The following BMAL1 variants were observed in gnomAD, a reference collection of about 807,000 sequenced individuals.
The protein encoded by BMAL1 is basic helix-loop-helix ARNT like 1.
chr11:13,286,577 C>T, the BMAL1 span, among the ~76,000 whole-genome samples: 1 of 152,196 alleles, frequency 6.6e-6, no homozygotes, highest in Admixed American at 6.5e-5. Flanking sequence ...CAAATGGCTG[C>T]CTCTGATTTC....
the BMAL1 span, among the ~76,000 whole-genome samples, chr11:13,336,974 A>C: frequency 6.6e-6 from 1 of 152,226 alleles, no homozygotes; most frequent in African/African-American, 2.4e-5. Context: ...GAAAATCTGA[A>C]TACTTACTAC....
chr11:13,307,838 T>G, the BMAL1 span, among the ~76,000 whole-genome samples: 1 of 152,196 alleles, frequency 6.6e-6, no homozygotes, highest in Non-Finnish European at 1.5e-5. Flanking sequence ...GCCCCCAGCC[T>G]GCCCCGAGGC....
the BMAL1 span, among the ~76,000 whole-genome samples, chr11:13,349,092 C>T: frequency 6.6e-6 from 1 of 152,182 alleles, no homozygotes; most frequent in African/African-American, 2.4e-5. Flanking sequence ...GGAGAGGAGA[C>T]CCCTCAGTCC....
At chr11:13,332,843 G>A in the BMAL1 span, among the ~76,000 whole-genome samples, 1 of 152,102 alleles carries the variant, frequency 6.6e-6, no homozygotes, top group Non-Finnish European at 1.5e-5. Flanking sequence ...AGTCTGGGAA[G>A]TAGCCTGCGA....
chr11:13,376,508 C>T, the BMAL1 span: 3 of 850,386 alleles, frequency 3.5e-6, no homozygotes, highest in Non-Finnish European at 6.0e-6. Flanking sequence ...ACCTGTTTAC[C>T]CACTCAGACA....
chr11:13,359,346 C>T, the BMAL1 span, among the ~76,000 whole-genome samples: 4 of 152,262 alleles, frequency 2.6e-5, no homozygotes, highest in South Asian at 2.1e-4. Context: ...AGAAGAATTG[C>T]GTCTTTTTAT....
the BMAL1 span, among the ~76,000 whole-genome samples, chr11:13,282,954 A>C: frequency 6.6e-6 from 1 of 152,216 alleles, no homozygotes; most frequent in African/African-American, 2.4e-5. Flanking sequence ...GGGGTGCAAC[A>C]GGGCCATAAG....
At chr11:13,375,193 T>G in the BMAL1 span, among the ~76,000 whole-genome samples, 1 of 152,190 alleles carries the variant, frequency 6.6e-6, no homozygotes, top group South Asian at 2.1e-4. Flanking sequence ...AAGAATGAGG[T>G]TGAATAGGTG....
At chr11:13,374,088 C>T in the BMAL1 span, 1 of 1,611,468 alleles carries the variant, frequency 6.2e-7, no homozygotes. Context: ...CCTTTATTCC[C>T]TTTTAGGGCA....
the BMAL1 span, among the ~76,000 whole-genome samples, chr11:13,346,018 G>A: frequency 6.6e-6 from 1 of 152,192 alleles, no homozygotes; most frequent in Non-Finnish European, 1.5e-5. Flanking sequence ...AAATGGATGA[G>A]TCGGTCACCC....
the BMAL1 span, among the ~76,000 whole-genome samples, chr11:13,369,987 C>T: frequency 5.3e-5 from 8 of 152,178 alleles, no homozygotes; most frequent in African/African-American, 1.9e-4. Flanking sequence ...GAGGCCTCCT[C>T]TGTTTAAATT....
At chr11:13,290,773 C>T in the BMAL1 span, among the ~76,000 whole-genome samples, 8 of 152,052 alleles carry the variant, frequency 5.3e-5, no homozygotes, top group Non-Finnish European at 1.0e-4. Context: ...AGTGTAAAAG[C>T]CATGATTCAA....
At chr11:13,354,218 C>G in the BMAL1 span, 1 of 1,410,302 alleles carries the variant, frequency 7.1e-7, no homozygotes, top group Non-Finnish European at 9.5e-7. Flanking sequence ...CCACCAAACC[C>G]CCAAGCACCA....
the BMAL1 span, among the ~76,000 whole-genome samples, chr11:13,348,218 C>T: frequency 6.6e-6 from 1 of 152,150 alleles, no homozygotes; most frequent in Non-Finnish European, 1.5e-5. Flanking sequence ...GAAACGTGGG[C>T]CCAGCAGAGG....
At chr11:13,387,072 A>G in the BMAL1 span, 1 of 215,860 alleles carries the variant, frequency 4.6e-6, no homozygotes. Context: ...GGTAGCTTTT[A>G]TATGCAAATG....
the BMAL1 span, chr11:13,354,365 C>T: frequency 6.2e-7 from 1 of 1,614,068 alleles, no homozygotes. Context: ...TGTCCCCGGG[C>T]CCCACCGACC....
chr11:13,287,186 A>C, the BMAL1 span, among the ~76,000 whole-genome samples: 265 of 152,360 alleles, frequency 1.7e-3, 1 homozygote, highest in African/African-American at 5.9e-3. Context: ...GGCAGAGCTC[A>C]ACTGGCAGTG....
chr11:13,338,606 A>T, the BMAL1 span, among the ~76,000 whole-genome samples: 1 of 152,166 alleles, frequency 6.6e-6, no homozygotes, highest in African/African-American at 2.4e-5. Flanking sequence ...CCTACTTGGG[A>T]CAGAGCTGTT....
the BMAL1 span, among the ~76,000 whole-genome samples, chr11:13,344,892 G>T: frequency 2.0e-5 from 3 of 152,240 alleles, no homozygotes; most frequent in African/African-American, 7.2e-5. Flanking sequence ...TTGGGCTGGG[G>T]AAGGAGAGCA....
Sources: gnomAD v4.1 joint callset for allele counts (sites outside exome capture counted in the v4.1 genomes callset) on GRCh38, gnomAD v4.1.1 for gene constraint, MANE v1.5 for transcripts, NCBI Gene and HGNC (gene_info 2026-07-23, HGNC 2026-07-21) for gene names.